The following ACSS3 variants were observed in gnomAD, a reference collection of about 807,000 sequenced individuals.
ACSS3 encodes the protein acyl-CoA synthetase short chain family member 3.
A neutral mutation model predicts 84.2 loss-of-function variants in ACSS3; 64 were observed. The ratio of observed to expected loss-of-function variants is 0.76; its 90% CI spans 0.62 to 0.94. The LOEUF (loss-of-function observed/expected upper bound fraction) is 0.94, where lower values mean the gene tolerates loss of function less well. Among genes scored for constraint, ACSS3 ranks in the 40% least tolerant of loss-of-function variants. The probability of loss-of-function intolerance (pLI) is 0.00; values close to 1 mark genes in which losing one functional copy is unlikely to be tolerated. For synonymous variants in ACSS3, 317 were observed against 310.1 expected (o/e 1.02, Z -0.23); for missense variants, 815 against 867.6 (o/e 0.94, Z 0.76).
At chr12:81,170,391 T>C (rs901921746) in intron 7 of ACSS3, among the ~76,000 whole-genome samples, 10 of 152,178 alleles carry the variant, frequency 6.6e-5, no homozygotes, top group Admixed American at 1.3e-4. Context: ...TTTGTACCAT[T>C]GTTAGCCACA....
rs1274440617 is a variant in ACSS3, at chr12:81,209,568, C to T, written c.1355-7333C>T. 2.6e-5 allele frequency among the ~76,000 whole-genome samples: 4 copies of T among 152,026 alleles called. No individual in the cohort carries two copies. In the East Asian group the frequency reaches 5.8e-4, roughly 22 times the overall value. Reference sequence around the variant, plus strand: ...ATGAATTTGTTACCTGAAAGAGCTCCTGATCCAGACCGCAAGAAGGGGTTC... The same window carrying T: ...ATGAATTTGTTACCTGAAAGAGCTCTTGATCCAGACCGCAAGAAGGGGTTC... On this transcript the variant is annotated intron_variant, in intron 9 of 15. Transcript: ENST00000548058.
chr12:81,135,449 A>G (rs898175031), intron 3 of ACSS3, among the ~76,000 whole-genome samples: 2 of 144,974 alleles, frequency 1.4e-5, no homozygotes, highest in Non-Finnish European at 3.0e-5. Context: ...ATATTATAAT[A>G]ATATATAAAA....
chr12:81,154,471 C>T (rs974693550), intron 7 of ACSS3, among the ~76,000 whole-genome samples: 2 of 152,194 alleles, frequency 1.3e-5, no homozygotes, highest in African/African-American at 4.8e-5. Context: ...AAAACCTTTT[C>T]TCTGCCCTCT....
Position 81,078,115 on chromosome 12 carries a change from G to A in ACSS3, c.-6G>A, listed in dbSNP as rs1354198297. The A allele has an allele frequency of 4.1e-6, 6 of 1,470,598 alleles. No homozygotes were observed. Among genetic ancestry groups the A allele is most frequent in the Non-Finnish European group, 5.4e-6 (6 of 1,112,616 alleles). 91.1% of individuals were successfully genotyped at this position (1,470,598 alleles called of 1,614,324 possible). On this transcript the variant is annotated 5_prime_UTR_variant, in exon 1 of 16. Transcript: ENST00000548058. ...CACACTCGGGGACCGCGGGTGGCCG[G>A]AGGAGATGAAACCGTCTTGGCTGCA...
At chr12:81,095,518 A>G (rs1881981470) in intron 1 of ACSS3, among the ~76,000 whole-genome samples, 1 of 152,322 alleles carries the variant, frequency 6.6e-6, no homozygotes, top group African/African-American at 2.4e-5. Flanking sequence ...TAGAATACAA[A>G]TAAACAAGAT....
chr12:81,207,470 T>C (rs2032396520), intron 9 of ACSS3, among the ~76,000 whole-genome samples: 1 of 152,200 alleles, frequency 6.6e-6, no homozygotes. Flanking sequence ...ATCCTTGATC[T>C]TAAGTTTCCT....
chr12:81,160,563 G>C (rs1199698126), intron 7 of ACSS3, among the ~76,000 whole-genome samples: 1 of 152,160 alleles, frequency 6.6e-6, no homozygotes, highest in African/African-American at 2.4e-5. Flanking sequence ...CTCTTTGGTA[G>C]TTCATTTTTT....
At chr12:81,162,352 A>G (rs1029233626) in intron 7 of ACSS3, among the ~76,000 whole-genome samples, 1 of 152,132 alleles carries the variant, frequency 6.6e-6, no homozygotes, top group Non-Finnish European at 1.5e-5. Context: ...CAGAGTGGGT[A>G]GTTCCTATTG....
chr12:81,153,920 C>T (rs1886741076), intron 7 of ACSS3, among the ~76,000 whole-genome samples: 1 of 152,086 alleles, frequency 6.6e-6, no homozygotes. Flanking sequence ...AGTATTAAAC[C>T]ATCATATACT....
Position 81,196,630 on chromosome 12 carries a change from T to C in ACSS3, c.1251-2711T>C, listed in dbSNP as rs188627547. On this transcript the variant is annotated intron_variant, in intron 8 of 15. Coordinates refer to ENST00000548058, the MANE Select transcript of ACSS3 (RefSeq NM_024560.4). ...AATACCTGAGGCTGGATAATTTATA[T>C]AGAAAAGAGATGTATTTCGGCTCAT... 1.1e-3 allele frequency among the ~76,000 whole-genome samples: 162 copies of C among 152,216 alleles called. 1 individual carries two copies. The highest frequency in any genetic ancestry group is 2.9e-3 in the Admixed American group (45 of 15,272).
chr12:81,227,886 C>T (rs1235117620), intron 11 of ACSS3, among the ~76,000 whole-genome samples: 3 of 151,650 alleles, frequency 2.0e-5, no homozygotes, highest in East Asian at 3.9e-4. Flanking sequence ...TTTATTTCTT[C>T]CCCCACTTCT....
intron 11 of ACSS3, among the ~76,000 whole-genome samples, chr12:81,221,320 A>C (rs1377435923): frequency 2.0e-5 from 3 of 152,072 alleles, no homozygotes; most frequent in African/African-American, 7.2e-5. Context: ...ACAGAGCATC[A>C]GGTTTTAAAA....
chr12:81,187,577 T>C (rs2031338660), intron 8 of ACSS3, among the ~76,000 whole-genome samples: 1 of 151,920 alleles, frequency 6.6e-6, no homozygotes, highest in African/African-American at 2.4e-5. Context: ...TCATTATTAC[T>C]AAATCATTTT....
rs1565997254 is a variant in ACSS3, at chr12:81,134,957, G to A, written c.598G>A (p.Gly200Arg). The change falls in exon 3 of 16, where the codon GGA becomes AGA. Residue 200 changes from glycine (G) to arginine (R), a missense_variant. Physicochemically the swap from Gly to Arg is moderately radical, Grantham distance 125. Coordinates refer to ENST00000548058, the MANE Select transcript of ACSS3 (RefSeq NM_024560.4). ...AGGTGCCATCCACAGTCTCATATTT[G>A]GAGGATTTGCTTCCAAAGAACTAAG... ...RIGAIHSLIFGGFASKELSSR... is the reference protein window; with the variant it reads ...RIGAIHSLIFRGFASKELSSR... The A allele has an allele frequency of 1.2e-6, 2 of 1,605,808 alleles. No individual in the cohort carries two copies. Among genetic ancestry groups the A allele is most frequent in the Non-Finnish European group, 1.7e-6 (2 of 1,175,492 alleles).
At chr12:81,202,108 C>A (rs1011998446) in intron 9 of ACSS3, among the ~76,000 whole-genome samples, 2 of 151,842 alleles carry the variant, frequency 1.3e-5, no homozygotes, top group African/African-American at 4.8e-5. Flanking sequence ...TGAAACCTGT[C>A]TCTACTAAAA....
Position 81,259,381 on chromosome 12 carries a change from A to G in ACSS3, c.*4459A>G, listed in dbSNP as rs1028110439. ...ACATAAATGCCTAGTATATTACAATAAAACATGAAAAACAACTGGCTTCAT... is the reference window on the plus strand; with the variant it reads ...ACATAAATGCCTAGTATATTACAATGAAACATGAAAAACAACTGGCTTCAT... On this transcript the variant is annotated 3_prime_UTR_variant, in exon 16 of 16. Transcript: ENST00000548058. 3.2e-6 allele frequency: 2 copies of G among 620,570 alleles called. No individual in the cohort carries two copies. Among genetic ancestry groups the G allele is most frequent in the Non-Finnish European group, 5.9e-6 (2 of 339,052 alleles). 38.4% of individuals were successfully genotyped at this position (620,570 alleles called of 1,614,324 possible).
chr12:81,257,527 A>ATTTC lies in ACSS3; in HGVS notation c.*2608_*2611dup, dbSNP rs1336708133. The ATTTC allele has an allele frequency of 3.9e-5, 6 of 152,082 alleles. No individual in the cohort carries two copies. The allele number at this position is 152,082 out of a possible 1,614,324, so 9.4% of individuals were successfully genotyped here. A position where few individuals can be genotyped will look rare whatever the true frequency, so the allele number is the denominator to read the frequency against. On this transcript the variant is annotated 3_prime_UTR_variant, in exon 16 of 16. Coordinates refer to ENST00000548058, the MANE Select transcript of ACSS3 (RefSeq NM_024560.4). Reference sequence around the variant, plus strand: ...GGTCTTCGTTTGGTATTTTCATAGGATTTCTTACTGTTAAGTTATTGGAAA... The same window carrying ATTTC: ...GGTCTTCGTTTGGTATTTTCATAGGATTTCTTTCTTACTGTTAAGTTATTGGAAA...
At chr12:81,123,118 A>G (rs1213755821) in intron 2 of ACSS3, among the ~76,000 whole-genome samples, 2 of 152,336 alleles carry the variant, frequency 1.3e-5, no homozygotes. Flanking sequence ...ATGAATGTGA[A>G]TTAAAAATTA....
At chr12:81,153,089 G>A (rs898087609) in intron 7 of ACSS3, among the ~76,000 whole-genome samples, 1 of 152,102 alleles carries the variant, frequency 6.6e-6, no homozygotes, top group Non-Finnish European at 1.5e-5. Context: ...CTGAAAAAAG[G>A]GAGTAGCATG....
Sources: allele counts gnomAD v4.1 joint callset (sites outside exome capture counted in the v4.1 genomes callset), GRCh38; gene constraint gnomAD v4.1.1; transcripts MANE v1.5; gene names NCBI Gene and HGNC (gene_info 2026-07-23, HGNC 2026-07-21).